The following PPP1R12B variants were observed in gnomAD, a reference collection of about 807,000 sequenced individuals.
The protein encoded by PPP1R12B is protein phosphatase 1 regulatory subunit 12B.
A neutral mutation model predicts 126.1 loss-of-function variants in PPP1R12B; 76 were observed. That is an observed-to-expected ratio of 0.60 (90% CI 0.50 to 0.73). PPP1R12B has a LOEUF of 0.73. Ranked by LOEUF, PPP1R12B falls within the 30% of genes least tolerant of loss-of-function variation. The pLI is 0.00. For missense variants in PPP1R12B, 1,052 were observed against 1,205.1 expected, an observed-to-expected ratio of 0.87 and a Z score of 1.88; for synonymous variants, 356 against 434.7, an observed-to-expected ratio of 0.82 and a Z score of 2.25.
At chr1:202,370,702 A>G (rs557066266) in intron 1 of PPP1R12B, among the ~76,000 whole-genome samples, 1 of 151,674 alleles carries the variant, frequency 6.6e-6, no homozygotes, top group Non-Finnish European at 1.5e-5. Flanking sequence ...ACACCCAACT[A>G]ATTTTTTGTA....
intron 15 of PPP1R12B, among the ~76,000 whole-genome samples, chr1:202,494,916 C>T (rs769959225): frequency 6.6e-6 from 1 of 152,068 alleles, no homozygotes; most frequent in Admixed American, 6.5e-5. Flanking sequence ...TGTTTCCCTA[C>T]ATAAACCTTG....
rs544243416 is a variant in PPP1R12B at position 202,445,191 on chromosome 1, A to G, written c.1667+2619A>G. 233 of 1,246,778 alleles carry G rather than the reference A, an allele frequency of 1.9e-4. No homozygotes were observed. In the African/African-American group the frequency reaches 2.5e-3, roughly 14 times the overall value. The allele number at this position is 1,246,778 out of a possible 1,614,324, so 77.2% of individuals were successfully genotyped here. On this transcript the variant is annotated intron_variant, in intron 12 of 23. Coordinates refer to ENST00000608999, the MANE Select transcript of PPP1R12B (RefSeq NM_002481.4). ...ACCTGCCTCTTCTTGCCCTGCACCA[A>G]TCAGTGCAAACACTACTGCATCTGT...
chr1:202,350,625 CTT>C (rs777909235), intron 1 of PPP1R12B, among the ~76,000 whole-genome samples: 24 of 143,596 alleles, frequency 1.7e-4, no homozygotes, highest in Non-Finnish European at 1.7e-4. Flanking sequence ...TTTTCTTTTT[CTT>C]TTTTTTTTTT....
At chr1:202,513,168 T>C (rs1391716291) in intron 18 of PPP1R12B, among the ~76,000 whole-genome samples, 1 of 152,172 alleles carries the variant, frequency 6.6e-6, no homozygotes, top group Non-Finnish European at 1.5e-5. Flanking sequence ...GAGATGGTGT[T>C]TCACCATGTT....
At chr1:202,351,802 C>T (rs981610183) in intron 1 of PPP1R12B, among the ~76,000 whole-genome samples, 2 of 152,212 alleles carry the variant, frequency 1.3e-5, no homozygotes, top group Non-Finnish European at 2.9e-5. Context: ...TAGAAGCCCC[C>T]AGATAATACT....
At chr1:202,579,077 C>G (rs1049226444) in intron 23 of PPP1R12B, among the ~76,000 whole-genome samples, 1 of 152,150 alleles carries the variant, frequency 6.6e-6, no homozygotes, top group Non-Finnish European at 1.5e-5. Flanking sequence ...ACTAGGGAGA[C>G]CCTCTAGCAC....
chr1:202,544,364 G>A (rs1486093616), intron 18 of PPP1R12B, among the ~76,000 whole-genome samples: 1 of 152,044 alleles, frequency 6.6e-6, no homozygotes, highest in East Asian at 1.9e-4. Flanking sequence ...AATTTAGATG[G>A]TTTAGCATTT....
At chr1:202,435,297 A>G (rs1488584001) in intron 9 of PPP1R12B, among the ~76,000 whole-genome samples, 1 of 151,904 alleles carries the variant, frequency 6.6e-6, no homozygotes, top group African/African-American at 2.4e-5. Flanking sequence ...AAATTTGGCT[A>G]CCATGTGTTA....
At chr1:202,420,081 A>G (rs937163361) in intron 2 of PPP1R12B, among the ~76,000 whole-genome samples, 2 of 152,254 alleles carry the variant, frequency 1.3e-5, no homozygotes, top group African/African-American at 4.8e-5. Flanking sequence ...TTTTATCTAT[A>G]GCTATCTGCT....
In PPP1R12B at chr1:202,433,944, A is replaced by G. The variant is rs145720257; in HGVS notation, c.1142-712A>G. Reference sequence around the variant, plus strand: ...ACATAACAGGCATTCACATTCATTAAATGTTTTTTGTTGAATATATCCAGT... The same window carrying G: ...ACATAACAGGCATTCACATTCATTAGATGTTTTTTGTTGAATATATCCAGT... On this transcript the variant is annotated intron_variant, in intron 8 of 23. Transcript: ENST00000608999. 2.5e-3 allele frequency among the ~76,000 whole-genome samples: 381 copies of G among 152,264 alleles called. 3 individuals are homozygous for G. Among genetic ancestry groups the G allele is most frequent in the African/African-American group, 8.9e-3 (369 of 41,532 alleles).
chr1:202,551,935 T>C (rs1009316282), intron 18 of PPP1R12B, among the ~76,000 whole-genome samples: 32 of 152,164 alleles, frequency 2.1e-4, no homozygotes, highest in African/African-American at 7.0e-4. Flanking sequence ...CTGGATGAGC[T>C]TGAAGCAGAT....
At chr1:202,527,572 AGTTT>A (rs1683478053) in intron 18 of PPP1R12B, 2 of 152,234 alleles carry the variant, frequency 1.3e-5, no homozygotes, top group African/African-American at 4.8e-5. Context: ...TTGAAAACTT[AGTTT>A]AAGTGGACAC....
intron 18 of PPP1R12B, among the ~76,000 whole-genome samples, chr1:202,517,025 T>C (rs1009671471): frequency 5.3e-5 from 8 of 152,316 alleles, no homozygotes; most frequent in African/African-American, 1.9e-4. Flanking sequence ...AGCTTACTTG[T>C]TTACAAAATG....
intron 23 of PPP1R12B, among the ~76,000 whole-genome samples, chr1:202,577,777 C>T (rs1340470199): frequency 8.5e-5 from 13 of 152,146 alleles, no homozygotes; most frequent in Admixed American, 2.6e-4. Context: ...CCCTGTAGCC[C>T]CTTCCTCTTT....
chr1:202,432,033 T>C (rs1375303438), intron 8 of PPP1R12B, among the ~76,000 whole-genome samples: 1 of 152,160 alleles, frequency 6.6e-6, no homozygotes, highest in African/African-American at 2.4e-5. Context: ...GTAAATGGCA[T>C]AGAGACCAAA....
chr1:202,378,734 T>C (rs868607584), intron 1 of PPP1R12B, among the ~76,000 whole-genome samples: 5 of 152,186 alleles, frequency 3.3e-5, no homozygotes, highest in African/African-American at 9.7e-5. Context: ...CACCTCGGCT[T>C]CCCAAAGTGC....
intron 19 of PPP1R12B, among the ~76,000 whole-genome samples, chr1:202,559,872 G>GT (rs1371280095): frequency 2.0e-5 from 3 of 152,074 alleles, no homozygotes; most frequent in Non-Finnish European, 2.9e-5. Context: ...GAACTCTCTC[G>GT]TATTATAATA....
intron 11 of PPP1R12B, among the ~76,000 whole-genome samples, chr1:202,441,446 G>A (rs1014443481): frequency 6.6e-6 from 1 of 152,170 alleles, no homozygotes; most frequent in Non-Finnish European, 1.5e-5. Context: ...GTAGGTGTGA[G>A]CCACTGCTCC....
intron 13 of PPP1R12B, among the ~76,000 whole-genome samples, chr1:202,459,298 A>G (rs1674019007): frequency 6.6e-6 from 1 of 152,056 alleles, no homozygotes; most frequent in Non-Finnish European, 1.5e-5. Context: ...GATTACTGTT[A>G]TTATGGGGCA....
Sources: gnomAD v4.1 joint callset for allele counts (sites outside exome capture counted in the v4.1 genomes callset) on GRCh38, gnomAD v4.1.1 for gene constraint, MANE v1.5 for transcripts, NCBI Gene and HGNC (gene_info 2026-07-23, HGNC 2026-07-21) for gene names.